NLRP4: variants seen among roughly 807,000 people sequenced by gnomAD.
NLRP4 encodes NACHT, LRR and PYD domains-containing protein 4.
NLRP4 carries 44 observed loss-of-function variants against 84.7 expected under a neutral mutation model. The observed-to-expected ratio is 0.52, with a 90% CI of 0.41 to 0.67. The LOEUF is 0.67. Ranked by LOEUF, NLRP4 falls within the 30% of genes least tolerant of loss-of-function variation. The pLI, the probability that NLRP4 is intolerant of heterozygous loss-of-function variation, is 0.00. For missense variants in NLRP4, 1,260 were observed against 1,219.4 expected, an observed-to-expected ratio of 1.03 and a Z score of -0.50; for synonymous variants, 544 against 476.4, an observed-to-expected ratio of 1.14 and a Z score of -1.85.
chr19:55,864,737 T>G (rs886989904), intron 5 of NLRP4, among the ~76,000 whole-genome samples: 1 of 152,068 alleles, frequency 6.6e-6, no homozygotes, highest in Non-Finnish European at 1.5e-5. Flanking sequence ...TTACTTATAT[T>G]TTATTATTAC....
At chr19:55,855,930 G>A (rs1227730793) in intron 2 of NLRP4, among the ~76,000 whole-genome samples, 1 of 152,188 alleles carries the variant, frequency 6.6e-6, no homozygotes, top group African/African-American at 2.4e-5. Flanking sequence ...AATACACCAC[G>A]ACAGCTATGA....
At chr19:55,880,681 G>A (rs768251788) in intron 9 of NLRP4, among the ~76,000 whole-genome samples, 4 of 152,162 alleles carry the variant, frequency 2.6e-5, no homozygotes, top group Non-Finnish European at 5.9e-5. Flanking sequence ...GGAGATGAGA[G>A]ATATTATACG....
At chr19:55,850,253 G>A (rs1365966930) in intron 1 of NLRP4, among the ~76,000 whole-genome samples, 2 of 131,268 alleles carry the variant, frequency 1.5e-5, no homozygotes, top group African/African-American at 6.7e-5. Flanking sequence ...TAATTTCCGA[G>A]GCTGCGGTGT....
chr19:55,869,778 G>T (rs1985102346), intron 6 of NLRP4, among the ~76,000 whole-genome samples: 1 of 92,434 alleles, frequency 1.1e-5, no homozygotes, highest in Non-Finnish European at 2.3e-5. Flanking sequence ...AGTCAACATG[G>T]ATCCTTAAAA....
intron 1 of NLRP4, among the ~76,000 whole-genome samples, chr19:55,848,390 TATA>T (rs1983881304): frequency 6.6e-6 from 1 of 151,950 alleles, no homozygotes; most frequent in Non-Finnish European, 1.5e-5. Flanking sequence ...TATACTATAC[TATA>T]CGATACTATA....
chr19:55,879,071 C>A (rs950573950), intron 9 of NLRP4, 107 bp downstream of exon 9: 8 of 868,272 alleles, frequency 9.2e-6, no homozygotes, highest in South Asian at 3.6e-5. Flanking sequence ...AAATGATGTT[C>A]CTTGTCTCAG....
chr19:55,878,718 G>C, intron 8 of NLRP4, 76 bp from the exon 9 acceptor site: 1 of 1,329,740 alleles, frequency 7.5e-7, no homozygotes, highest in Non-Finnish European at 1.0e-6. Flanking sequence ...GCCTCAACTA[G>C]ACGTCTAGCT....
intron 4 of NLRP4, 134 bp downstream of exon 4, chr19:55,861,681 C>A: frequency 2.5e-6 from 2 of 786,986 alleles, no homozygotes; most frequent in South Asian, 1.7e-5. Flanking sequence ...TCAGCACTTA[C>A]AGACATCTCA....
At chr19:55,861,247 A>C (rs4801634) in intron 3 of NLRP4, 139 bp from the exon 4 acceptor site, 299,887 of 664,636 alleles carry the variant, frequency 0.45, 69,995 homozygotes, top group East Asian at 0.7. Context: ...ACTTACCTGA[A>C]GGGTCCCGTT....
At chr19:55,879,658 C>G (rs1985511928) in intron 9 of NLRP4, among the ~76,000 whole-genome samples, 3 of 152,162 alleles carry the variant, frequency 2.0e-5, no homozygotes, top group African/African-American at 4.8e-5. Flanking sequence ...TGGCATTCCC[C>G]CCATGCAATC....
At chr19:55,854,153 G>T (rs1460591347) in intron 2 of NLRP4, among the ~76,000 whole-genome samples, 1 of 151,960 alleles carries the variant, frequency 6.6e-6, no homozygotes, top group Admixed American at 6.6e-5. Context: ...TGTATTTTTA[G>T]TAGAAACAGG....
At chr19:55,850,728 T>C (rs62127058) in intron 1 of NLRP4, among the ~76,000 whole-genome samples, 52,038 of 53,980 alleles carry the variant, frequency 0.96, 25,254 homozygotes, top group Middle Eastern at 0.97. Context: ...CGGTGTACTT[T>C]CCGAGGCTGC....
rs188089511 is a variant in NLRP4 at position 55,874,364 on chromosome 19, G to A, written c.2526-2632G>A. On this transcript the variant is annotated intron_variant, in intron 7 of 9. Coordinates refer to ENST00000301295, the MANE Select transcript of NLRP4 (RefSeq NM_134444.5). The stretch of plus-strand genomic sequence containing the variant: ...TGTATTTTATACTATGGCACATCTA[G>A]ATTCAGACAAGCTACATTCCAAGTG... 6.3e-3 allele frequency among the ~76,000 whole-genome samples: 964 copies of A among 152,190 alleles called. 6 individuals are homozygous for A. Among genetic ancestry groups the A allele is most frequent in the Non-Finnish European group, 0.011 (714 of 67,996 alleles).
intron 2 of NLRP4, among the ~76,000 whole-genome samples, chr19:55,855,783 G>A (rs1352271379): frequency 3.3e-5 from 5 of 152,296 alleles, no homozygotes; most frequent in Admixed American, 6.5e-5. Flanking sequence ...AGGAGTTTTC[G>A]GCCTGGCTGA....
At chr19:55,869,458 A>G (rs942414584) in intron 6 of NLRP4, among the ~76,000 whole-genome samples, 1 of 152,140 alleles carries the variant, frequency 6.6e-6, no homozygotes, top group Non-Finnish European at 1.5e-5. Flanking sequence ...GAGAGAAGCA[A>G]GCTGGGTGAG....
At position 55,863,535 on chromosome 19, in the gene NLRP4, GA is replaced by G. The variant is rs145345233; in HGVS notation, c.2186+1378del. ...AGGTCGCGTGAGGACTCTGTCACAG[GA>G]ACAGCTCTAGGGGATGGTGGTAAAT... On this transcript the variant is annotated intron_variant, in intron 5 of 9. Coordinates refer to ENST00000301295, the MANE Select transcript of NLRP4 (RefSeq NM_134444.5). Among the ~76,000 whole-genome samples, 667 of 152,172 alleles carry G rather than the reference GA, an allele frequency of 4.4e-3. 6 individuals are homozygous for G. Among genetic ancestry groups the G allele is most frequent in the African/African-American group, 0.015 (630 of 41,540 alleles).
intron 5 of NLRP4, among the ~76,000 whole-genome samples, chr19:55,864,964 T>G (rs1316026287): frequency 3.3e-5 from 5 of 152,152 alleles, no homozygotes; most frequent in Admixed American, 2.6e-4. Context: ...TTTTAAACAT[T>G]TAAAAATTTT....
intron 2 of NLRP4, among the ~76,000 whole-genome samples, chr19:55,855,002 G>T (rs964155540): frequency 3.3e-5 from 5 of 152,148 alleles, no homozygotes; most frequent in Non-Finnish European, 7.3e-5. Context: ...AGGATTACAG[G>T]TGTGAACCAC....
intron 1 of NLRP4, among the ~76,000 whole-genome samples, chr19:55,850,764 A>C (rs1984075372): frequency 7.7e-6 from 1 of 130,366 alleles, no homozygotes; most frequent in Non-Finnish European, 1.6e-5. Flanking sequence ...GCTGCGGTGT[A>C]ATTTCCGAGG....
Sources: allele counts gnomAD v4.1 joint callset (sites outside exome capture counted in the v4.1 genomes callset), GRCh38; gene constraint gnomAD v4.1.1; transcripts MANE v1.5; gene names NCBI Gene and HGNC (gene_info 2026-07-23, HGNC 2026-07-21).